NXPH2: variants seen among roughly 807,000 people sequenced by gnomAD.
NXPH2 encodes the protein neurexophilin-2.
Under a neutral mutation model 19.8 loss-of-function variants are expected in NXPH2, and 5 were observed. The observed-to-expected ratio is 0.25, with a 90% CI of 0.13 to 0.53. The LOEUF (loss-of-function observed/expected upper bound fraction) is 0.53, where lower values mean the gene tolerates loss of function less well. Among genes scored for constraint, NXPH2 ranks in the 20% least tolerant of loss-of-function variants. NXPH2 has a pLI of 0.96. For missense variants in NXPH2, 289 were observed against 322.8 expected, an observed-to-expected ratio of 0.90 and a Z score of 0.80; for synonymous variants, 154 against 127.4, an observed-to-expected ratio of 1.21 and a Z score of -1.41.
chr2:138,676,713 G>GGATAA lies in NXPH2; in HGVS notation c.52-5053_52-5049dup, dbSNP rs1680489532. On this transcript the variant is annotated intron_variant, in intron 1 of 1. Transcript: ENST00000272641. ...ACTGATGGCTCTTCCATGGTCCAAT[G>GGATAA]GATAATCTCATGCCTCCTACTCAAG... Among the ~76,000 whole-genome samples, 3 of 152,256 alleles carry GGATAA rather than the reference G, an allele frequency of 2.0e-5. No individual in the cohort carries two copies. In the South Asian group the frequency reaches 6.2e-4, roughly 32 times the overall value.
At chr2:138,707,704 T>C (rs1259619241) in intron 1 of NXPH2, among the ~76,000 whole-genome samples, 1 of 152,210 alleles carries the variant, frequency 6.6e-6, no homozygotes, top group East Asian at 1.9e-4. Context: ...CTAAAACTTT[T>C]CCATACTTGC....
At chr2:138,774,678 C>A (rs1427849661) in intron 1 of NXPH2, among the ~76,000 whole-genome samples, 3 of 152,228 alleles carry the variant, frequency 2.0e-5, no homozygotes, top group African/African-American at 7.2e-5. Flanking sequence ...CATGTGCACA[C>A]ATACACACAC....
intron 1 of NXPH2, among the ~76,000 whole-genome samples, chr2:138,762,398 C>T (rs949852555): frequency 6.6e-6 from 1 of 152,190 alleles, no homozygotes; most frequent in African/African-American, 2.4e-5. Context: ...TTGCCCACTG[C>T]TAGCACTAAT....
intron 1 of NXPH2, among the ~76,000 whole-genome samples, chr2:138,688,591 A>G (rs568046932): frequency 6.6e-6 from 1 of 152,332 alleles, no homozygotes; most frequent in African/African-American, 2.4e-5. Context: ...GTAGAATTCC[A>G]TTATATACAA....
intron 1 of NXPH2, among the ~76,000 whole-genome samples, chr2:138,734,216 G>A (rs1273679382): frequency 6.6e-6 from 1 of 152,196 alleles, no homozygotes; most frequent in East Asian, 1.9e-4. Context: ...CTGCATTCCA[G>A]CCTGGGTGAT....
chr2:138,686,104 G>GC (rs1484042858), intron 1 of NXPH2, among the ~76,000 whole-genome samples: 1 of 152,264 alleles, frequency 6.6e-6, no homozygotes, highest in African/African-American at 2.4e-5. Flanking sequence ...TTTGGGAAAT[G>GC]TTTTAAATCC....
At chr2:138,773,859 T>C (rs1024373016) in intron 1 of NXPH2, among the ~76,000 whole-genome samples, 4 of 152,224 alleles carry the variant, frequency 2.6e-5, no homozygotes, top group Admixed American at 1.3e-4. Context: ...TACAGTTGGA[T>C]TGAATCCCAG....
intron 1 of NXPH2, among the ~76,000 whole-genome samples, chr2:138,730,320 C>A (rs1404086237): frequency 6.6e-6 from 1 of 152,014 alleles, no homozygotes; most frequent in Admixed American, 6.6e-5. Flanking sequence ...ACAGCCTCCC[C>A]AGTAATTGGG....
chr2:138,682,733 G>A (rs1033362850), intron 1 of NXPH2, among the ~76,000 whole-genome samples: 7 of 152,126 alleles, frequency 4.6e-5, no homozygotes, highest in African/African-American at 1.4e-4. Flanking sequence ...AGCAGTAAGA[G>A]CCAAAAAACC....
chr2:138,737,166 C>T (rs1374078251), intron 1 of NXPH2, among the ~76,000 whole-genome samples: 2 of 152,194 alleles, frequency 1.3e-5, no homozygotes, highest in Non-Finnish European at 2.9e-5. Context: ...TTAGGGGCAT[C>T]CTACTCCTGG....
At chr2:138,678,128 T>C (rs887445592) in intron 1 of NXPH2, among the ~76,000 whole-genome samples, 2 of 152,274 alleles carry the variant, frequency 1.3e-5, no homozygotes, top group Non-Finnish European at 2.9e-5. Context: ...TACAAGTTTC[T>C]CTGACTTTCC....
In NXPH2 at chr2:138,671,526, G is replaced by A. The variant is rs762302492; in HGVS notation, c.191C>T (p.Pro64Leu). The change falls in exon 2 of 2, where the codon CCG becomes CTG. Residue 64 changes from proline (P) to leucine (L), a missense_variant. Pro to Leu is a moderately conservative substitution (Grantham distance 98). Transcript: ENST00000272641. Reference sequence around the variant, plus strand: ...CGCCATGGGGCCGGGCTTGGGCACCGGAGACTGTTTAACAAACAGGCGCAG... The same window carrying A: ...CGCCATGGGGCCGGGCTTGGGCACCAGAGACTGTTTAACAAACAGGCGCAG... ...SPLRLFVKQS[P>L]VPKPGPMAYA... 1.9e-6 allele frequency: 3 copies of A among 1,613,844 alleles called. No individual in the cohort carries two copies. The highest frequency in any genetic ancestry group is 1.3e-5 in the African/African-American group (1 of 74,924).
chr2:138,702,475 T>C (rs187510306), intron 1 of NXPH2, among the ~76,000 whole-genome samples: 98 of 152,264 alleles, frequency 6.4e-4, no homozygotes, highest in African/African-American at 2.3e-3. Flanking sequence ...AATAAAACTA[T>C]AAAATCGTCC....
At chr2:138,777,316 G>A (rs563640824) in intron 1 of NXPH2, among the ~76,000 whole-genome samples, 160 of 152,080 alleles carry the variant, frequency 1.1e-3, no homozygotes, top group African/African-American at 3.6e-3. Flanking sequence ...AGAGTATGTT[G>A]CTGAATAAGA....
intron 1 of NXPH2, among the ~76,000 whole-genome samples, chr2:138,696,355 T>C (rs1048077476): frequency 6.6e-6 from 1 of 152,214 alleles, no homozygotes; most frequent in East Asian, 1.9e-4. Context: ...AAAGGTCTTA[T>C]ATCTAAAATA....
In NXPH2 at chr2:138,688,277, G is replaced by T. The variant is rs778950959; in HGVS notation, c.52-16612C>A. ...CAGGTCACTGCAACCTCCGCCTTCC[G>T]GGTTCAAGCCATTCTCCTGCCTCAG... On this transcript the variant is annotated intron_variant, in intron 1 of 1. Transcript: ENST00000272641. 5.3e-5 allele frequency among the ~76,000 whole-genome samples: 8 copies of T among 152,258 alleles called. No individual in the cohort carries two copies. In the Middle Eastern group the frequency reaches 0.014, roughly 261 times the overall value.
chr2:138,735,231 G>A (rs1681520690), intron 1 of NXPH2, among the ~76,000 whole-genome samples: 1 of 152,102 alleles, frequency 6.6e-6, no homozygotes, highest in Non-Finnish European at 1.5e-5. Context: ...GAGTTTTATA[G>A]TTGGTATTCT....
At chr2:138,758,466 C>T (rs1380367987) in intron 1 of NXPH2, among the ~76,000 whole-genome samples, 1 of 152,160 alleles carries the variant, frequency 6.6e-6, no homozygotes, top group Non-Finnish European at 1.5e-5. Context: ...TGCTCAAGGT[C>T]ATCTAACTAA....
chr2:138,766,658 A>G (rs1682097880), intron 1 of NXPH2, among the ~76,000 whole-genome samples: 1 of 152,202 alleles, frequency 6.6e-6, no homozygotes, highest in Non-Finnish European at 1.5e-5. Context: ...CCACAGGAGC[A>G]TGACTTTACC....
Sources: allele counts gnomAD v4.1 joint callset (sites outside exome capture counted in the v4.1 genomes callset), GRCh38; gene constraint gnomAD v4.1.1; transcripts MANE v1.5; gene names NCBI Gene and HGNC (gene_info 2026-07-23, HGNC 2026-07-21).